The following SUCLG2 variants were observed in gnomAD, a reference collection of about 807,000 sequenced individuals.
SUCLG2 encodes succinate--CoA ligase [GDP-forming] subunit beta, mitochondrial.
Under a neutral mutation model 47.9 loss-of-function variants are expected in SUCLG2, and 42 were observed. The observed-to-expected ratio is 0.88, with a 90% confidence interval of 0.69 to 1.14. The LOEUF (loss-of-function observed/expected upper bound fraction) is 1.14, where lower values mean the gene tolerates loss of function less well. Among genes scored for constraint, SUCLG2 ranks in the 50% most tolerant of loss-of-function variants. The pLI, the probability that SUCLG2 is intolerant of heterozygous loss-of-function variation, is 0.00. For synonymous variants in SUCLG2, 195 were observed against 197.3 expected (o/e 0.99, Z 0.10); for missense variants, 571 against 525.9 (o/e 1.09, Z -0.84).
intron 9 of SUCLG2, among the ~76,000 whole-genome samples, chr3:67,436,571 C>G (rs1443886720): frequency 6.6e-6 from 1 of 152,202 alleles, no homozygotes; most frequent in Non-Finnish European, 1.5e-5. Context: ...CAGCGATGTG[C>G]TAGTCAAGTC....
rs1418854852 is a variant in SUCLG2 at position 67,430,217 on chromosome 3, C to A, written c.1063-29366G>T. Among the ~76,000 whole-genome samples, 4 of 152,142 alleles carry A rather than the reference C, an allele frequency of 2.6e-5. No homozygotes were observed. The East Asian group carries it at 7.7e-4, about 29-fold the overall frequency. On this transcript the variant is annotated intron_variant, in intron 9 of 10. Transcript: ENST00000307227. ...GAGTTGGAAGTAAAAAACTCATCAG[C>A]AAATGAAAAGAAAAGAAATTATAAC...
intron 1 of SUCLG2, among the ~76,000 whole-genome samples, chr3:67,635,959 C>T (rs560755306): frequency 1.4e-3 from 219 of 152,250 alleles, no homozygotes; most frequent in African/African-American, 4.6e-3. Context: ...TATGCAAAGC[C>T]CAGTCTGTTA....
At chr3:67,416,980 A>C (rs1005462967) in intron 9 of SUCLG2, among the ~76,000 whole-genome samples, 1 of 152,160 alleles carries the variant, frequency 6.6e-6, no homozygotes, top group Non-Finnish European at 1.5e-5. Flanking sequence ...CCTTATTCCT[A>C]CCATTCAAAA....
At chr3:67,629,084 G>A (rs1306124187) in intron 1 of SUCLG2, among the ~76,000 whole-genome samples, 1 of 152,170 alleles carries the variant, frequency 6.6e-6, no homozygotes, top group Non-Finnish European at 1.5e-5. Flanking sequence ...GTGTAAGAAC[G>A]TTTTCTGCTG....
chr3:67,375,862 A>C lies in SUCLG2; in HGVS notation c.1184-3T>G. ...CTGGGCCTCTTGGACGTTGGTTCCT[A>C]GAAGGGGGACAGGGAACAATCACTG... On this transcript the variant is annotated splice_polypyrimidine_tract_variant and splice_region_variant and intron_variant, in intron 10 of 10. Transcript: ENST00000307227. 6.2e-7 allele frequency: 1 copy of C among 1,612,608 alleles called. No individual in the cohort carries two copies. The highest frequency in any genetic ancestry group is 1.3e-5 in the African/African-American group (1 of 75,000).
At chr3:67,602,586 G>A (rs1708443426) in intron 2 of SUCLG2, among the ~76,000 whole-genome samples, 1 of 152,106 alleles carries the variant, frequency 6.6e-6, no homozygotes, top group Admixed American at 6.5e-5. Flanking sequence ...TTTTATAAAA[G>A]GGGGATCTCT....
At chr3:67,374,129 C>T (rs1378643020), downstream of SUCLG2, among the ~76,000 whole-genome samples, 1 of 152,108 alleles carries the variant, frequency 6.6e-6, no homozygotes, top group Non-Finnish European at 1.5e-5. Flanking sequence ...TTTTTTACTG[C>T]ACCAACTAGT....
chr3:67,400,107 C>T (rs752802640), intron 10 of SUCLG2, among the ~76,000 whole-genome samples: 1 of 152,058 alleles, frequency 6.6e-6, no homozygotes, highest in African/African-American at 2.4e-5. Context: ...TCATATACTT[C>T]AACTAAAACA....
At chr3:67,463,444 A>G (rs1337820345) in intron 9 of SUCLG2, among the ~76,000 whole-genome samples, 1 of 152,246 alleles carries the variant, frequency 6.6e-6, no homozygotes, top group Non-Finnish European at 1.5e-5. Flanking sequence ...AGATGTGCAG[A>G]CACAGAGAAT....
chr3:67,433,638 C>T (rs577988947), intron 9 of SUCLG2, among the ~76,000 whole-genome samples: 1 of 152,152 alleles, frequency 6.6e-6, no homozygotes, highest in East Asian at 1.9e-4. Context: ...GTAGATGAGC[C>T]TACCACATTA....
At chr3:67,433,119 G>A (rs1575691981) in intron 9 of SUCLG2, among the ~76,000 whole-genome samples, 1 of 151,996 alleles carries the variant, frequency 6.6e-6, no homozygotes, top group East Asian at 1.9e-4. Flanking sequence ...ACTTCTGGGG[G>A]TTGGGGGAGG....
At chr3:67,410,209 T>G (rs1253357736) in intron 9 of SUCLG2, among the ~76,000 whole-genome samples, 4 of 152,202 alleles carry the variant, frequency 2.6e-5, no homozygotes, top group African/African-American at 9.7e-5. Context: ...AAGATGCTAA[T>G]CATTTCATTA....
intron 9 of SUCLG2, among the ~76,000 whole-genome samples, chr3:67,425,789 TC>T (rs1216065364): frequency 3.1e-4 from 47 of 152,330 alleles, no homozygotes; most frequent in African/African-American, 1.1e-3. Context: ...CTCTTATTTG[TC>T]CTGTTTGGTG....
intron 9 of SUCLG2, among the ~76,000 whole-genome samples, chr3:67,437,229 G>C (rs1379067735): frequency 6.6e-6 from 1 of 152,068 alleles, no homozygotes; most frequent in East Asian, 1.9e-4. Flanking sequence ...CTATTCATTA[G>C]ATGTGAGTCA....
intron 7 of SUCLG2, among the ~76,000 whole-genome samples, chr3:67,499,068 T>C (rs560991728): frequency 7.9e-5 from 12 of 152,314 alleles, no homozygotes; most frequent in African/African-American, 2.6e-4. Flanking sequence ...CCTGCATATA[T>C]TGAGGGACAA....
chr3:67,377,412 C>T (rs1187656381), intron 10 of SUCLG2, among the ~76,000 whole-genome samples: 1 of 152,198 alleles, frequency 6.6e-6, no homozygotes, highest in African/African-American at 2.4e-5. Flanking sequence ...ACCACAGACT[C>T]CTGCTCCTCT....
chr3:67,612,427 T>TA (rs5849772), intron 1 of SUCLG2, among the ~76,000 whole-genome samples: 1 of 151,422 alleles, frequency 6.6e-6, no homozygotes, highest in Non-Finnish European at 1.5e-5. Context: ...TTCTCAGTTG[T>TA]AAAAAAAGGG....
intron 6 of SUCLG2, among the ~76,000 whole-genome samples, chr3:67,514,965 G>C (rs530816682): frequency 6.6e-6 from 1 of 152,112 alleles, no homozygotes; most frequent in Non-Finnish European, 1.5e-5. Flanking sequence ...GATGATCCAG[G>C]ATCATCCAAA....
At chr3:67,629,068 G>A (rs939609423) in intron 1 of SUCLG2, among the ~76,000 whole-genome samples, 3 of 152,152 alleles carry the variant, frequency 2.0e-5, no homozygotes, top group Non-Finnish European at 4.4e-5. Context: ...TGTTCGGTAC[G>A]CTTTGGTGTA....
Sources: gnomAD v4.1 joint callset for allele counts (sites outside exome capture counted in the v4.1 genomes callset) on GRCh38, gnomAD v4.1.1 for gene constraint, MANE v1.5 for transcripts, NCBI Gene and HGNC (gene_info 2026-07-23, HGNC 2026-07-21) for gene names.